The following IL1R1 variants were observed in gnomAD, a reference collection of about 807,000 sequenced individuals.
IL1R1 encodes the protein interleukin-1 receptor type 1.
In IL1R1, 22 loss-of-function variants were observed where a neutral mutation model predicts 50.2. The ratio of observed to expected loss-of-function variants is 0.44; its 90% confidence interval spans 0.31 to 0.63. IL1R1 has a LOEUF of 0.63. Ranked by LOEUF, IL1R1 falls within the 20% of genes least tolerant of loss-of-function variation. IL1R1 has a pLI of 0.07. For synonymous variants in IL1R1, 251 were observed against 236.7 expected (o/e 1.06, Z -0.55); for missense variants, 509 against 676.2 (o/e 0.75, Z 2.74).
chr2:102,097,097 A>T (rs1026234091), intron 1 of IL1R1, among the ~76,000 whole-genome samples: 1 of 152,210 alleles, frequency 6.6e-6, no homozygotes, highest in Non-Finnish European at 1.5e-5. Flanking sequence ...TACGTCTCAC[A>T]GTTGTTAAGT....
rs944468957 is a variant in IL1R1, at chr2:102,178,229, C to G, written c.*1470C>G. The G allele has an allele frequency of 6.6e-6, 1 of 152,404 alleles. No homozygotes were observed. The highest frequency in any genetic ancestry group is 2.4e-5 in the African/African-American group (1 of 41,454). 9.4% of individuals were successfully genotyped at this position (152,404 alleles called of 1,614,324 possible). A position where few individuals can be genotyped will look rare whatever the true frequency, so the allele number is the denominator to read the frequency against. On this transcript the variant is annotated 3_prime_UTR_variant, in exon 12 of 12. Transcript: ENST00000410023. ...GAGGCGACTTCCTCTCCAGCCTTCT[C>G]TCTCTGGTCAGGCCCACTGCAGAGA... is the stretch of plus-strand genomic sequence containing the variant.
chr2:102,134,503 C>T (rs1361419486), intron 1 of IL1R1, among the ~76,000 whole-genome samples: 6 of 152,066 alleles, frequency 3.9e-5, no homozygotes, highest in Non-Finnish European at 7.4e-5. Flanking sequence ...CTCAGCCTTC[C>T]GAGTAGCTGG....
chr2:102,117,681 A>C (rs904103642), intron 1 of IL1R1, among the ~76,000 whole-genome samples: 6 of 152,168 alleles, frequency 3.9e-5, no homozygotes, highest in African/African-American at 1.4e-4. Context: ...GATGTGGTCC[A>C]AGTCTGTGTG....
chr2:102,146,370 T>TA (rs1197010296), intron 1 of IL1R1, among the ~76,000 whole-genome samples: 2 of 152,200 alleles, frequency 1.3e-5, no homozygotes, highest in African/African-American at 2.4e-5. Flanking sequence ...AACATAAGTT[T>TA]AAAAAATCAA....
intron 1 of IL1R1, among the ~76,000 whole-genome samples, chr2:102,074,678 T>A (rs982555836): frequency 4.6e-5 from 7 of 152,134 alleles, no homozygotes; most frequent in African/African-American, 1.7e-4. Context: ...ATCCACCACA[T>A]TGTCCAGTCA....
chr2:102,127,241 A>G (rs2104406743), intron 1 of IL1R1, among the ~76,000 whole-genome samples: 1 of 152,300 alleles, frequency 6.6e-6, no homozygotes, highest in East Asian at 1.9e-4. Context: ...TCCTAAAATT[A>G]ATACCTGCAC....
At chr2:102,145,729 G>T (rs1281791478) in intron 1 of IL1R1, among the ~76,000 whole-genome samples, 1 of 152,194 alleles carries the variant, frequency 6.6e-6, no homozygotes, top group Non-Finnish European at 1.5e-5. Flanking sequence ...AATGTGGAGG[G>T]AAGCCTGAGT....
chr2:102,148,754 T>A (rs1421908602), intron 1 of IL1R1, among the ~76,000 whole-genome samples: 1 of 152,218 alleles, frequency 6.6e-6, no homozygotes, highest in Non-Finnish European at 1.5e-5. Context: ...CATAAGTGTG[T>A]GGTTCTATGG....
chr2:102,110,106 C>T (rs546932148), intron 1 of IL1R1, among the ~76,000 whole-genome samples: 16 of 152,104 alleles, frequency 1.1e-4, no homozygotes, highest in Admixed American at 6.5e-5. Context: ...TTTCTGCAGA[C>T]GCTTCTTTCC....
chr2:102,074,108 A>T (rs1479970058), intron 1 of IL1R1, among the ~76,000 whole-genome samples: 1 of 152,196 alleles, frequency 6.6e-6, no homozygotes, highest in African/African-American at 2.4e-5. Context: ...CCTTGGGTTT[A>T]GTTTTGGTAA....
upstream of IL1R1, among the ~76,000 whole-genome samples, chr2:102,140,730 A>G (rs1035183022): frequency 6.6e-6 from 1 of 152,208 alleles, no homozygotes; most frequent in African/African-American, 2.4e-5. Flanking sequence ...CCAGTTATCC[A>G]AGGAAAGGAA....
intron 2 of IL1R1, among the ~76,000 whole-genome samples, chr2:102,156,567 A>G (rs1217400991): frequency 1.3e-5 from 2 of 151,086 alleles, no homozygotes; most frequent in South Asian, 2.1e-4. Context: ...GCTGGAGTGC[A>G]GTGGCACCAT....
At chr2:102,173,860 T>G (rs190849671) in intron 9 of IL1R1, among the ~76,000 whole-genome samples, 1 of 152,286 alleles carries the variant, frequency 6.6e-6, no homozygotes, top group African/African-American at 2.4e-5. Flanking sequence ...ACTACAGACA[T>G]CATGATCTTG....
At chr2:102,156,423 A>C (rs915962345) in intron 2 of IL1R1, among the ~76,000 whole-genome samples, 1 of 152,202 alleles carries the variant, frequency 6.6e-6, no homozygotes, top group Non-Finnish European at 1.5e-5. Flanking sequence ...AGTGAAGAGA[A>C]TATGAATGGG....
intron 1 of IL1R1, among the ~76,000 whole-genome samples, chr2:102,136,970 C>T (rs951767806): frequency 2.0e-5 from 3 of 152,180 alleles, no homozygotes; most frequent in Non-Finnish European, 4.4e-5. Flanking sequence ...CAAAATCATT[C>T]TAGTTAACAT....
intron 1 of IL1R1, among the ~76,000 whole-genome samples, chr2:102,072,690 A>G (rs956036221): frequency 6.6e-6 from 1 of 152,102 alleles, no homozygotes; most frequent in Non-Finnish European, 1.5e-5. Context: ...TTTATTTATT[A>G]TAAACATTAA....
intron 1 of IL1R1, among the ~76,000 whole-genome samples, chr2:102,118,023 G>T (rs189101485): frequency 6.6e-6 from 1 of 151,342 alleles, no homozygotes; most frequent in African/African-American, 2.4e-5. Flanking sequence ...TTGATCTCTG[G>T]CCCTGATTCC....
At chr2:102,132,237 T>G (rs942496613) in intron 1 of IL1R1, among the ~76,000 whole-genome samples, 5 of 151,556 alleles carry the variant, frequency 3.3e-5, no homozygotes, top group Non-Finnish European at 5.9e-5. Context: ...TCTGGATCTA[T>G]CCAAAGGATA....
intron 1 of IL1R1, among the ~76,000 whole-genome samples, chr2:102,083,959 GAAATAGCAATATGTGCTTT>G (rs1679329684): frequency 6.6e-6 from 1 of 151,480 alleles, no homozygotes; most frequent in Non-Finnish European, 1.5e-5. Context: ...AAAAAAAGTG[GAAATAGCAATATGTGCTTT>G]AGCTAAATAT....
Sources: gnomAD v4.1 joint callset for allele counts (sites outside exome capture counted in the v4.1 genomes callset) on GRCh38, gnomAD v4.1.1 for gene constraint, MANE v1.5 for transcripts, NCBI Gene and HGNC (gene_info 2026-07-23, HGNC 2026-07-21) for gene names.